Variants in ROBO3 observed in about 807,000 individuals in gnomAD.
ROBO3 encodes the protein roundabout homolog 3.
ROBO3 carries 97 observed loss-of-function variants against 160.5 expected under a neutral mutation model. The observed-to-expected ratio is 0.60, with a 90% confidence interval of 0.51 to 0.72. ROBO3 has a LOEUF of 0.72. Ranked by LOEUF, ROBO3 falls within the 30% of genes least tolerant of loss-of-function variation. The pLI is 0.00. For synonymous variants in ROBO3, 780 were observed against 746.2 expected, an observed-to-expected ratio of 1.05 and a Z score of -0.74; for missense variants, 1,858 against 1,846.5, an observed-to-expected ratio of 1.01 and a Z score of -0.11.
Position 124,869,387 on chromosome 11 carries a change from G to C in ROBO3, c.488-63G>C. 2 of 1,412,838 alleles carry C rather than the reference G, an allele frequency of 1.4e-6. No homozygotes were observed. Among genetic ancestry groups the C allele is most frequent in the Non-Finnish European group, 2.0e-6 (2 of 1,022,712 alleles). The allele number at this position is 1,412,838 out of a possible 1,614,324, so 87.5% of individuals were successfully genotyped here. ...CCCTTCCCAAGACAACACTTTCCCT[G>C]TGTCCTCAGCCAGTTATGTCACTCT... On this transcript the variant is annotated intron_variant, in intron 2 of 27. Coordinates refer to ENST00000397801, the MANE Select transcript of ROBO3 (RefSeq NM_022370.4). This position sits in a 1 kb window ranked among gnomAD's most constrained non-coding sequence, Gnocchi z 4.2.
chr11:124,865,738 G>A lies in ROBO3; in HGVS notation c.160+1G>A, dbSNP rs1175498078. The A allele has an allele frequency of 1.2e-6, 2 of 1,605,534 alleles. No homozygotes were observed. Among genetic ancestry groups the A allele is most frequent in the Non-Finnish European group, 1.7e-6 (2 of 1,177,214 alleles). On this transcript the variant is annotated splice_donor_variant, in intron 1 of 27. Transcript: ENST00000397801. LOFTEE classifies it high-confidence loss of function. This position sits in a 1 kb window ranked among gnomAD's most constrained non-coding sequence, Gnocchi z 5.5. The stretch of plus-strand genomic sequence containing the variant: ...CCTCCCGGCGATCCCTCTCTCAACG[G>A]TGAGACCCTGCCTCTTGGGGATATG...
rs1159718110 is a variant in ROBO3 at position 124,875,260 on chromosome 11, G to A, written c.2223G>A (p.Gln741=). 1.2e-6 allele frequency: 2 copies of A among 1,613,746 alleles called. No homozygotes were observed. Among genetic ancestry groups the A allele is most frequent in the South Asian group, 2.2e-5 (2 of 91,064 alleles). ...LRGLPPGTQI[Q]IKVQAQGQEG... ...GACTCCCTCCAGGGACCCAAATCCAGATCAAGGTGCAAGCCCAAGGCCAGG... is the reference window on the plus strand; with the variant it reads ...GACTCCCTCCAGGGACCCAAATCCAAATCAAGGTGCAAGCCCAAGGCCAGG... Residue 741 remains glutamine (Q), a synonymous_variant, in exon 14 of 28, where the codon CAG becomes CAA. Transcript: ENST00000397801.
chr11:124,877,275 C>T lies in ROBO3; in HGVS notation c.2812C>T (p.Pro938Ser). ...CCCCTCATTTTCCCCAGTGTCCTTCCCGCACTCAGAGGGCCTCTCTGGAGC... is the reference window on the plus strand; with the variant it reads ...CCCCTCATTTTCCCCAGTGTCCTTCTCGCACTCAGAGGGCCTCTCTGGAGC... Reference protein sequence around the residue: ...SFAYTPAVSFPHSEGLSGASS... With the variant: ...SFAYTPAVSFSHSEGLSGASS... Residue 938 changes from proline to serine, a missense_variant, in exon 19 of 28, where the codon CCG becomes TCG. Transcript: ENST00000397801. The T allele has an allele frequency of 1.2e-6, 2 of 1,613,976 alleles. No homozygotes were observed. The highest frequency in any genetic ancestry group is 8.5e-7 in the Non-Finnish European group (1 of 1,179,870).
chr11:124,876,430 A>C lies in ROBO3; in HGVS notation c.2749A>C (p.Lys917Gln). ...GLCAALYWRR[K>Q]QRKELSHYTA... ...CTGCGCCGCCCTCTACTGGCGCCGG[A>C]AACAGCGCAAAGAGCTCAGCCACTA... Residue 917 changes from lysine to glutamine, a missense_variant, in exon 17 of 28, where the codon AAA (lysine) becomes CAA (glutamine). Lys to Gln is a moderately conservative substitution (Grantham distance 53). Transcript: ENST00000397801. The surrounding 1 kb of genome is among the most constrained non-coding windows in gnomAD (Gnocchi z 5.3). 1 of 1,446,428 alleles carries C rather than the reference A, an allele frequency of 6.9e-7. No individual in the cohort carries two copies. 89.6% of individuals were successfully genotyped at this position (1,446,428 alleles called of 1,614,324 possible).
At chr11:124,867,530 A>T (rs1180469957) in intron 1 of ROBO3, among the ~76,000 whole-genome samples, 7 of 152,180 alleles carry the variant, frequency 4.6e-5, no homozygotes, top group Non-Finnish European at 1.0e-4. Context: ...ATGGAGGAGA[A>T]GAGAAGGGTG....
chr11:124,866,695 A>G (rs1222978482), intron 1 of ROBO3, among the ~76,000 whole-genome samples: 1 of 152,152 alleles, frequency 6.6e-6, no homozygotes, highest in African/African-American at 2.4e-5. Context: ...GCCATTAGCT[A>G]TTCATTAGGC....
rs1591512124 is a variant in ROBO3 at position 124,873,031 on chromosome 11, G to A, written c.1478G>A (p.Gly493Glu). 1.2e-6 allele frequency: 2 copies of A among 1,613,918 alleles called. No homozygotes were observed. The highest frequency in any genetic ancestry group is 8.5e-7 in the Non-Finnish European group (1 of 1,179,852). Reference sequence around the variant, plus strand: ...AAGAAGGATGGGCAGTGGCTGCAGGGGGATGACCTCCAGTTCAAGACAATG... The same window carrying A: ...AAGAAGGATGGGCAGTGGCTGCAGGAGGATGACCTCCAGTTCAAGACAATG... ...RWKKDGQWLQ[G>E]DDLQFKTMAN... is the part of the protein sequence containing the mutation. Residue 493 changes from glycine (G) to glutamate (E), a missense_variant, in exon 9 of 28, where the codon GGG becomes GAG. Coordinates refer to ENST00000397801, the MANE Select transcript of ROBO3 (RefSeq NM_022370.4). The surrounding 1 kb of genome is among the most constrained non-coding windows in gnomAD (Gnocchi z 4.5).
At chr11:124,874,308 T>C (rs1037086183) in intron 12 of ROBO3, 72 bp downstream of exon 12, 1 of 1,398,218 alleles carries the variant, frequency 7.2e-7, no homozygotes, top group East Asian at 2.4e-5. Context: ...CCCAAAACCA[T>C]GACACCACGG....
rs550454340 is a variant in ROBO3, at chr11:124,874,793, A to C, written c.1957A>C (p.Ser653Arg). 60 of 1,605,882 alleles carry C rather than the reference A, an allele frequency of 3.7e-5. 1 individual carries two copies. The South Asian group carries it at 6.7e-4, about 18-fold the overall frequency. Reference protein sequence around the residue: ...VSEPVRTQDSSPSRPVEDPWR... With the variant: ...VSEPVRTQDSRPSRPVEDPWR... The stretch of plus-strand genomic sequence containing the variant: ...ATGGGTTCCTTGGTCAACAGATAGC[A>C]GCCCCTCTAGGCCAGTGGAGGACCC... Residue 653 changes from serine (S) to arginine (R), a missense_variant, in exon 13 of 28, where the codon AGC (serine) becomes CGC (arginine). Ser to Arg is a moderately radical substitution (Grantham distance 110). Coordinates refer to ENST00000397801, the MANE Select transcript of ROBO3 (RefSeq NM_022370.4).
In ROBO3 at chr11:124,869,775, T is replaced by C. The variant is rs1565309362; in HGVS notation, c.645+168T>C. ...TTGGTATAAAAAAGGGGCGGGGGCA[T>C]GATGCCCCAGGAACTTCCCATTTGA... On this transcript the variant is annotated intron_variant, in intron 3 of 27. Coordinates refer to ENST00000397801, the MANE Select transcript of ROBO3 (RefSeq NM_022370.4). This position sits in a 1 kb window ranked among gnomAD's most constrained non-coding sequence, Gnocchi z 4.2. Among the ~76,000 whole-genome samples the C allele has an allele frequency of 6.6e-5, 10 of 152,214 alleles. No homozygotes were observed. Among genetic ancestry groups the C allele is most frequent in the Non-Finnish European group, 1.5e-5 (1 of 68,042 alleles).
Position 124,869,580 on chromosome 11 carries a change from A to T in ROBO3, c.618A>T (p.Arg206Ser). The change falls in exon 3 of 28, where the codon AGA becomes AGT. Residue 206 changes from arginine (R) to serine (S), a missense_variant. Physicochemically the swap from Arg to Ser is moderately radical, Grantham distance 110. Coordinates refer to ENST00000397801, the MANE Select transcript of ROBO3 (RefSeq NM_022370.4). The surrounding 1 kb of genome is among the most constrained non-coding windows in gnomAD (Gnocchi z 4.2). Reference protein sequence around the residue: ...PSVSWRKDGARLKEEEGRITI... With the variant: ...PSVSWRKDGASLKEEEGRITI... ...TGTCCTGGAGGAAGGACGGTGCAAGACTCAAGGAAGAGGAAGGAAGGATCA... is the reference window on the plus strand; with the variant it reads ...TGTCCTGGAGGAAGGACGGTGCAAGTCTCAAGGAAGAGGAAGGAAGGATCA... 2 of 1,575,604 alleles carry T rather than the reference A, an allele frequency of 1.3e-6. No individual in the cohort carries two copies. Among genetic ancestry groups the T allele is most frequent in the South Asian group, 1.2e-5 (1 of 85,466 alleles).
In ROBO3 at chr11:124,878,187, G is replaced by C. The variant is rs1946452741; in HGVS notation, c.3181+56G>C. ...GCCCTGACCAGGGTATCCCCAAAGA[G>C]GATCCTCCTCCCTGACCCTCTGGCA... On this transcript the variant is annotated intron_variant, in intron 21 of 27. Coordinates refer to ENST00000397801, the MANE Select transcript of ROBO3 (RefSeq NM_022370.4). This position sits in a 1 kb window ranked among gnomAD's most constrained non-coding sequence, Gnocchi z 4.3. 6.4e-7 allele frequency: 1 copy of C among 1,569,170 alleles called. No homozygotes were observed. Among genetic ancestry groups the C allele is most frequent in the East Asian group, 2.3e-5 (1 of 43,666 alleles).
rs1565312182 is a variant in ROBO3, at chr11:124,874,170, GTT to G, written c.1886_1887del (p.Val629AlafsTer10). On this transcript the variant is annotated frameshift_variant, in exon 12 of 28. Transcript: ENST00000397801. LOFTEE classifies it high-confidence loss of function. ...LQPNTIYLFLVRAVGAWGLSE... is the reference protein window; with the variant it reads ...LQPNTIYLFLXRAVGAWGLSE... ...GCCCAATACCATCTACCTGTTTCTG[GTT>G]CGAGCAGTGGGAGCCTGGGGCCTCA... The G allele has an allele frequency of 1.2e-6, 2 of 1,613,992 alleles. No individual in the cohort carries two copies. Among genetic ancestry groups the G allele is most frequent in the Non-Finnish European group, 1.7e-6 (2 of 1,179,882 alleles).
chr11:124,870,489 C>G, intron 5 of ROBO3, 112 bp from the exon 6 acceptor site: 1 of 1,539,018 alleles, frequency 6.5e-7, no homozygotes, highest in Non-Finnish European at 8.8e-7. Context: ...CAGCTTCTGT[C>G]CCTGCTGGGT....
At position 124,881,305 on chromosome 11, in the gene ROBO3, T is replaced by C. The variant is rs1946577947; in HGVS notation, c.*55T>C. The C allele has an allele frequency of 1.3e-6, 2 of 1,549,396 alleles. No individual in the cohort carries two copies. Among genetic ancestry groups the C allele is most frequent in the Non-Finnish European group, 1.8e-6 (2 of 1,136,108 alleles). ...GTGCCACGGGGAAGGGGAGTAGGGA[T>C]GTCTTTTCCCCCCCAGCAGTGATGA... is the stretch of plus-strand genomic sequence containing the variant. On this transcript the variant is annotated 3_prime_UTR_variant, in exon 28 of 28. Coordinates refer to ENST00000397801, the MANE Select transcript of ROBO3 (RefSeq NM_022370.4).
rs1449152003 is a variant in ROBO3, at chr11:124,875,968, C to A, written c.2436C>A (p.Gly812=). ...GGCCTCCCTAGATCTGGTGCCTGGGCAATGAGAGCCGCTTTCACCTCAATC... is the reference window on the plus strand; with the variant it reads ...GGCCTCCCTAGATCTGGTGCCTGGGAAATGAGAGCCGCTTTCACCTCAATC... ...VITEYQIWCL[G]NESRFHLNRS... Residue 812 remains glycine (G), a synonymous_variant, in exon 16 of 28, where the codon GGC becomes GGA. Coordinates refer to ENST00000397801, the MANE Select transcript of ROBO3 (RefSeq NM_022370.4). 2.5e-6 allele frequency: 4 copies of A among 1,598,158 alleles called. No individual in the cohort carries two copies. In the African/African-American group the frequency reaches 5.4e-5, roughly 21 times the overall value.
intron 1 of ROBO3, among the ~76,000 whole-genome samples, chr11:124,867,123 C>A (rs1457619912): frequency 2.0e-5 from 3 of 152,064 alleles, no homozygotes; most frequent in South Asian, 2.1e-4. Flanking sequence ...CAAAACCTAG[C>A]GATAACAGAT....
Position 124,871,122 on chromosome 11 carries a change from A to C in ROBO3, c.1142A>C (p.Gln381Pro). The C allele has an allele frequency of 6.2e-7, 1 of 1,613,288 alleles. No individual in the cohort carries two copies. Among genetic ancestry groups the C allele is most frequent in the Non-Finnish European group, 8.5e-7 (1 of 1,179,498 alleles). Residue 381 changes from glutamine (Q) to proline (P), a missense_variant, in exon 7 of 28, where the codon CAG becomes CCG. Gln to Pro is a moderately conservative substitution (Grantham distance 76). Transcript: ENST00000397801. ...KGNPPPAIFWQKEGSQVLLFP... is the reference protein window; with the variant it reads ...KGNPPPAIFWPKEGSQVLLFP... Reference sequence around the variant, plus strand: ...AACCCCCCACCTGCCATCTTCTGGCAGAAGGAGGGGAGTCAGGTGGGTGGC... The same window carrying C: ...AACCCCCCACCTGCCATCTTCTGGCCGAAGGAGGGGAGTCAGGTGGGTGGC...
Position 124,876,518 on chromosome 11 carries a change from A to C in ROBO3, c.2779+58A>C. ...GGAGGGAGCCAGGCGGCCCATGGGG[A>C]GGGGCAGGGGCTTAGCCGCTGGCGA... On this transcript the variant is annotated intron_variant, in intron 17 of 27. Transcript: ENST00000397801. The surrounding 1 kb of genome is among the most constrained non-coding windows in gnomAD (Gnocchi z 5.3). 7.7e-7 allele frequency: 1 copy of C among 1,304,298 alleles called. No individual in the cohort carries two copies. Among genetic ancestry groups the C allele is most frequent in the Non-Finnish European group, 9.8e-7 (1 of 1,018,816 alleles). The allele number at this position is 1,304,298 out of a possible 1,614,324, so 80.8% of individuals were successfully genotyped here.
Sources: allele counts gnomAD v4.1 joint callset (sites outside exome capture counted in the v4.1 genomes callset), GRCh38; gene constraint gnomAD v4.1.1; non-coding constraint Gnocchi (gnomAD v3.1); transcripts MANE v1.5; gene names NCBI Gene and HGNC (gene_info 2026-07-23, HGNC 2026-07-21).